FREM3: variants seen among roughly 807,000 people sequenced by gnomAD.
The protein encoded by FREM3 is FRAS1-related extracellular matrix protein 3.
In FREM3, 105 loss-of-function variants were observed where a neutral mutation model predicts 129.1. The observed-to-expected ratio is 0.81, with a 90% CI of 0.69 to 0.96. FREM3 has a LOEUF of 0.96. Ranked by LOEUF, FREM3 falls within the 40% of genes least tolerant of loss-of-function variation. The probability of loss-of-function intolerance (pLI) is 0.00; values close to 1 mark genes in which losing one functional copy is unlikely to be tolerated. For missense variants in FREM3, 2,593 were observed against 2,666.3 expected, an observed-to-expected ratio of 0.97 and a Z score of 0.61; for synonymous variants, 1,014 against 1,044.9, an observed-to-expected ratio of 0.97 and a Z score of 0.57.
intron 2 of FREM3, among the ~76,000 whole-genome samples, chr4:143,663,218 G>T (rs565511669): frequency 3.3e-5 from 5 of 152,144 alleles, no homozygotes; most frequent in Admixed American, 6.6e-5. Flanking sequence ...GCAGCAGCTG[G>T]TACCGGTTGT....
chr4:143,697,272 G>A lies in FREM3; in HGVS notation c.3404C>T (p.Pro1135Leu). The A allele has an allele frequency of 6.5e-7, 1 of 1,537,432 alleles. No individual in the cohort carries two copies. Among genetic ancestry groups the A allele is most frequent in the Middle Eastern group, 1.7e-4 (1 of 5,992 alleles). Residue 1135 changes from proline to leucine, a missense_variant, in exon 1 of 8, where the codon CCT becomes CTT. By Grantham distance (98) the Pro-to-Leu change is moderately conservative (BLOSUM62 -3). Coordinates refer to ENST00000329798, the MANE Select transcript of FREM3 (RefSeq NM_001168235.2). The part of the protein sequence containing the change: ...PGSKMSQSGS[P>L]ISAFSLRDIQ... Reference sequence around the variant, plus strand: ...ATCTCTGAGGGAGAAAGCACTGATAGGGCTACCAGACTGGGACATTTTTGA... The same window carrying A: ...ATCTCTGAGGGAGAAAGCACTGATAAGGCTACCAGACTGGGACATTTTTGA...
rs1740626427 is a variant in FREM3 at position 143,698,554 on chromosome 4, C to T, written c.2122G>A (p.Gly708Arg). The T allele has an allele frequency of 1.3e-6, 2 of 1,537,406 alleles. No homozygotes were observed. Among genetic ancestry groups the T allele is most frequent in the Admixed American group, 3.9e-5 (2 of 50,972 alleles). Residue 708 changes from glycine to arginine, a missense_variant, in exon 1 of 8, where the codon GGA becomes AGA. Physicochemically the swap from Gly to Arg is moderately radical, Grantham distance 125. Coordinates refer to ENST00000329798, the MANE Select transcript of FREM3 (RefSeq NM_001168235.2). Reference protein sequence around the residue: ...VDILSPQLYPGTTLEMTVQEY... With the variant: ...VDILSPQLYPRTTLEMTVQEY... ...TGTACAGTCATTTCTAGTGTAGTTCCTGGATACAGCTGTGGACTCAGTATA... is the reference window on the plus strand; with the variant it reads ...TGTACAGTCATTTCTAGTGTAGTTCTTGGATACAGCTGTGGACTCAGTATA...
intron 2 of FREM3, among the ~76,000 whole-genome samples, chr4:143,655,031 C>G (rs958792196): frequency 6.6e-6 from 1 of 152,142 alleles, no homozygotes; most frequent in African/African-American, 2.4e-5. Flanking sequence ...ATTTCCACAC[C>G]AGGAGGCCCA....
In FREM3 at chr4:143,602,932, A is replaced by G. The variant is rs551355815; in HGVS notation, c.6028+8347T>C. On this transcript the variant is annotated intron_variant, in intron 6 of 7. Coordinates refer to ENST00000329798, the MANE Select transcript of FREM3 (RefSeq NM_001168235.2). Reference sequence around the variant, plus strand: ...ATGCTGAGTCTTCAGGACCGTCAGCAGTTATTTTGCCCAGGATGGAGATGG... The same window carrying G: ...ATGCTGAGTCTTCAGGACCGTCAGCGGTTATTTTGCCCAGGATGGAGATGG... Among the ~76,000 whole-genome samples the G allele has an allele frequency of 2.0e-5, 3 of 152,292 alleles. No homozygotes were observed. In the South Asian group the frequency reaches 6.2e-4, roughly 32 times the overall value.
intron 3 of FREM3, among the ~76,000 whole-genome samples, chr4:143,626,085 G>T (rs929859533): frequency 6.6e-6 from 1 of 152,116 alleles, no homozygotes; most frequent in African/African-American, 2.4e-5. Context: ...GTGGAGTTGG[G>T]GTATCAGAAG....
rs1259701434 is a variant in FREM3, at chr4:143,696,140, T to G, written c.4536A>C (p.Glu1512Asp). The G allele has an allele frequency of 2.1e-5, 32 of 1,537,444 alleles. No homozygotes were observed. Among genetic ancestry groups the G allele is most frequent in the Non-Finnish European group, 2.7e-5 (31 of 1,146,990 alleles). Residue 1512 changes from glutamate to aspartate, a missense_variant, in exon 1 of 8, where the codon GAA (glutamate) becomes GAC (aspartate). Physicochemically the swap from Glu to Asp is conservative, Grantham distance 45. Transcript: ENST00000329798. ...GGTAGAGTTCGCCGATCACTTGAAATTCGAAGCTGTCCATCTTTTTCTCAT... is the reference window on the plus strand; with the variant it reads ...GGTAGAGTTCGCCGATCACTTGAAAGTCGAAGCTGTCCATCTTTTTCTCAT... ...SNDEKKMDSF[E>D]FQVIGELYPV...
chr4:143,669,452 A>G (rs1739926403), intron 2 of FREM3, among the ~76,000 whole-genome samples: 2 of 151,670 alleles, frequency 1.3e-5, no homozygotes, highest in African/African-American at 4.9e-5. Flanking sequence ...ATTGTTTAAA[A>G]CAATTTTTTT....
intron 2 of FREM3, among the ~76,000 whole-genome samples, chr4:143,650,084 C>T (rs907001110): frequency 1.3e-5 from 2 of 152,186 alleles, no homozygotes; most frequent in African/African-American, 2.4e-5. Context: ...ATCGCACAGT[C>T]AGCATTCCAC....
chr4:143,657,480 C>A (rs1223710700), intron 2 of FREM3, among the ~76,000 whole-genome samples: 1 of 152,168 alleles, frequency 6.6e-6, no homozygotes, highest in Non-Finnish European at 1.5e-5. Flanking sequence ...AGCCAGCAAA[C>A]AGCAGAGCTG....
intron 1 of FREM3, among the ~76,000 whole-genome samples, chr4:143,694,326 C>T (rs190072691): frequency 6.6e-6 from 1 of 152,180 alleles, no homozygotes; most frequent in Non-Finnish European, 1.5e-5. Flanking sequence ...CTTGACATAA[C>T]TGTGGATACT....
intron 2 of FREM3, among the ~76,000 whole-genome samples, chr4:143,628,646 G>A (rs563621849): frequency 6.6e-6 from 1 of 152,198 alleles, no homozygotes; most frequent in East Asian, 1.9e-4. Context: ...TATCAAAATG[G>A]GGCAGTGTGT....
Position 143,611,311 on chromosome 4 carries a change from G to A in FREM3, c.5996C>T (p.Thr1999Ile), listed in dbSNP as rs1578833782. Residue 1999 changes from threonine to isoleucine, a missense_variant, in exon 6 of 8, where the codon ACT becomes ATT. By Grantham distance (89) the Thr-to-Ile change is moderately conservative. This residue lies in a region of FREM3 where 317 missense variants were observed against 399.0 expected (regional missense o/e 0.79). Coordinates refer to ENST00000329798, the MANE Select transcript of FREM3 (RefSeq NM_001168235.2). ...ACGATCAGCCAGAATAGTCACCTTA[G>A]TGGTGGGGAATCTGGCTCCCAGCTG... Reference protein sequence around the residue: ...GGQLGARFPTTKVTILADRYD... With the variant: ...GGQLGARFPTIKVTILADRYD... 1 of 1,537,064 alleles carries A rather than the reference G, an allele frequency of 6.5e-7. No homozygotes were observed. The highest frequency in any genetic ancestry group is 8.7e-7 in the Non-Finnish European group (1 of 1,146,796).
chr4:143,619,766 G>A (rs1264960332), intron 5 of FREM3, among the ~76,000 whole-genome samples: 1 of 151,954 alleles, frequency 6.6e-6, no homozygotes, highest in Non-Finnish European at 1.5e-5. Context: ...TTTTGCTGGG[G>A]ACCTCAAGGC....
Position 143,699,450 on chromosome 4 carries a change from A to C in FREM3, c.1226T>G (p.Val409Gly). 11 of 1,537,236 alleles carry C rather than the reference A, an allele frequency of 7.2e-6. No individual in the cohort carries two copies. Among genetic ancestry groups the C allele is most frequent in the Non-Finnish European group, 9.6e-6 (11 of 1,146,906 alleles). The change falls in exon 1 of 8, where the codon GTG becomes GGG. Residue 409 changes from valine (V) to glycine (G), a missense_variant. By Grantham distance (109) the Val-to-Gly change is moderately radical (BLOSUM62 -3). Around this residue, in one of 2 missense-constraint regions of FREM3, gnomAD observed 2,276 missense variants for 2,267.2 expected, o/e 1.00. Coordinates refer to ENST00000329798, the MANE Select transcript of FREM3 (RefSeq NM_001168235.2). This position sits in a 1 kb window ranked among gnomAD's most constrained non-coding sequence, Gnocchi z 4.2. ...ERLFQLELEV[V>G]DGDGAASDPF... is the part of the protein sequence containing the mutation. ...GTCTGAGGCGGCGCCGTCTCCGTCC[A>C]CCACCTCCAGCTCCAGCTGAAAGAG...
intron 2 of FREM3, among the ~76,000 whole-genome samples, chr4:143,674,028 C>A (rs1740056894): frequency 1.3e-5 from 2 of 152,222 alleles, no homozygotes; most frequent in African/African-American, 4.8e-5. Context: ...TTCCCTGACC[C>A]CTTGCACTTC....
intron 2 of FREM3, among the ~76,000 whole-genome samples, chr4:143,631,813 G>A (rs1739145593): frequency 6.6e-6 from 1 of 152,032 alleles, no homozygotes; most frequent in African/African-American, 2.4e-5. Flanking sequence ...ACTTACAAGG[G>A]CATGGTACAT....
chr4:143,657,021 A>G (rs182043127), intron 2 of FREM3, among the ~76,000 whole-genome samples: 81 of 150,334 alleles, frequency 5.4e-4, no homozygotes, highest in African/African-American at 1.7e-3. Flanking sequence ...CTTTGCATCA[A>G]TGGCATGAGA....
chr4:143,655,412 A>G (rs944305803), intron 2 of FREM3, among the ~76,000 whole-genome samples: 1 of 152,228 alleles, frequency 6.6e-6, no homozygotes, highest in Non-Finnish European at 1.5e-5. Flanking sequence ...CGACAAAATG[A>G]GGGAAGAAAA....
intron 7 of FREM3, among the ~76,000 whole-genome samples, chr4:143,580,522 C>T (rs1216528946): frequency 6.6e-6 from 1 of 152,162 alleles, no homozygotes; most frequent in East Asian, 1.9e-4. Flanking sequence ...GGGCTTTGGA[C>T]CCCTGGGAAC....
Sources: allele counts gnomAD v4.1 joint callset (sites outside exome capture counted in the v4.1 genomes callset), GRCh38; gene constraint gnomAD v4.1.1; regional missense constraint gnomAD v4.1.1; non-coding constraint Gnocchi (gnomAD v3.1); transcripts MANE v1.5; gene names NCBI Gene and HGNC (gene_info 2026-07-23, HGNC 2026-07-21).